The following DNAH6 variants were observed in gnomAD, a reference collection of about 807,000 sequenced individuals.
DNAH6 encodes the protein axonemal beta dynein heavy chain 6.
Under a neutral mutation model 491.4 loss-of-function variants are expected in DNAH6, and 340 were observed. The ratio of observed to expected loss-of-function variants is 0.69; its 90% CI spans 0.63 to 0.76. The LOEUF (loss-of-function observed/expected upper bound fraction) is 0.76. Ranked by LOEUF, DNAH6 falls within the 30% of genes least tolerant of loss-of-function variation. The pLI is 0.00. For synonymous variants in DNAH6, 1,603 were observed against 1,686.1 expected (o/e 0.95, Z 1.21); for missense variants, 4,443 against 4,972.2 (o/e 0.89, Z 3.20).
intron 64 of DNAH6, among the ~76,000 whole-genome samples, chr2:84,763,714 A>ATGTGTG (rs70953906): frequency 0.012 from 1,573 of 126,848 alleles, 13 homozygotes; most frequent in East Asian, 0.017. Flanking sequence ...AACTGATAGG[A>ATGTGTG]TGTGTGTGTG....
intron 60 of DNAH6, among the ~76,000 whole-genome samples, chr2:84,724,670 C>T (rs898427949): frequency 5.9e-5 from 9 of 152,184 alleles, no homozygotes; most frequent in Non-Finnish European, 1.3e-4. Context: ...GAATGAACAT[C>T]CAAAATGGCT....
In DNAH6 at chr2:84,710,488, C is replaced by T. The variant is rs185427887; in HGVS notation, c.9378+76C>T. On this transcript the variant is annotated intron_variant, in intron 56 of 76. Transcript: ENST00000389394. ...ATCTGGAATCCTATATAGGCCACAT[C>T]CCCATCATGCTAAAGACACCAGTCA... 126 of 1,411,858 alleles carry T rather than the reference C, an allele frequency of 8.9e-5. No homozygotes were observed. The African/African-American group carries it at 1.5e-3, about 17-fold the overall frequency. 87.5% of individuals were successfully genotyped at this position (1,411,858 alleles called of 1,614,324 possible).
chr2:84,739,111 A>G (rs1672273583), intron 62 of DNAH6, among the ~76,000 whole-genome samples: 1 of 152,206 alleles, frequency 6.6e-6, no homozygotes, highest in South Asian at 2.1e-4. Flanking sequence ...ATGGAAGGAT[A>G]TGAAATTCTT....
At chr2:84,612,344 A>G (rs928822992) in intron 22 of DNAH6, among the ~76,000 whole-genome samples, 1 of 152,104 alleles carries the variant, frequency 6.6e-6, no homozygotes, top group Non-Finnish European at 1.5e-5. Flanking sequence ...ATGTGTTTGA[A>G]TAAGTTCCAT....
At chr2:84,511,475 C>A (rs1675327821), upstream of DNAH6, among the ~76,000 whole-genome samples, 1 of 152,150 alleles carries the variant, frequency 6.6e-6, no homozygotes, top group Admixed American at 6.5e-5. Context: ...GTCCATCACC[C>A]CTTTCTTTGA....
chr2:84,573,438 A>C (rs1486160956), intron 11 of DNAH6, 29 bp from the exon 12 acceptor site: 8 of 1,552,640 alleles, frequency 5.2e-6, no homozygotes, highest in Non-Finnish European at 6.9e-6. Context: ...AAATATGGTC[A>C]TATTTGTCTG....
At chr2:84,497,516 C>A in the DNAH6 span, among the ~76,000 whole-genome samples, 2 of 152,102 alleles carry the variant, frequency 1.3e-5, no homozygotes, top group African/African-American at 4.8e-5. Flanking sequence ...CCTTTACTGG[C>A]AATTTACTGA....
At chr2:84,577,535 C>A in intron 13 of DNAH6, 127 bp downstream of exon 13, 1 of 669,170 alleles carries the variant, frequency 1.5e-6, no homozygotes, top group South Asian at 3.3e-5. Context: ...GACTATTGGA[C>A]ATCCTTAATT....
At chr2:84,507,561 T>C in the DNAH6 span, among the ~76,000 whole-genome samples, 1 of 152,030 alleles carries the variant, frequency 6.6e-6, no homozygotes, top group African/African-American at 2.4e-5. Context: ...CCTTTATTTC[T>C]TTCTCCTGCC....
At chr2:84,502,543 T>C in the DNAH6 span, among the ~76,000 whole-genome samples, 3 of 152,198 alleles carry the variant, frequency 2.0e-5, no homozygotes, top group African/African-American at 7.2e-5. Flanking sequence ...ATTTGCTCTA[T>C]AATGCAGATT....
chr2:84,678,871 T>C (rs1693506379), intron 41 of DNAH6, among the ~76,000 whole-genome samples: 1 of 152,202 alleles, frequency 6.6e-6, no homozygotes, highest in African/African-American at 2.4e-5. Flanking sequence ...TTGGACTGAA[T>C]TCAGGTGGGA....
At position 84,745,221 on chromosome 2, in the gene DNAH6, T is replaced by G; in HGVS notation, c.10484T>G (p.Ile3495Ser). ...SAGLSSFHKL[I>S]LIKCCKEEKV... ...GGATTGAGTTCTTTCCATAAGCTAA[T>G]TCTTATTAAATGTTGTAAAGAAGAA... Residue 3495 changes from isoleucine (I) to serine (S), a missense_variant, in exon 63 of 77, where the codon ATT becomes AGT. Around this residue, in one of 3 missense-constraint regions of DNAH6, gnomAD observed 1,463 missense variants for 1,656.6 expected, o/e 0.88. Transcript: ENST00000389394. The G allele has an allele frequency of 1.3e-6, 2 of 1,523,444 alleles. No homozygotes were observed. The highest frequency in any genetic ancestry group is 1.8e-6 in the Non-Finnish European group (2 of 1,137,396). 94.4% of individuals were successfully genotyped at this position (1,523,444 alleles called of 1,614,324 possible).
chr2:84,711,103 G>T (rs1697000999), intron 56 of DNAH6, among the ~76,000 whole-genome samples: 1 of 152,154 alleles, frequency 6.6e-6, no homozygotes. Context: ...GGGAGGGGAA[G>T]AAACTTGTTA....
Position 84,707,688 on chromosome 2 carries a change from G to T in DNAH6, c.9020G>T (p.Gly3007Val). 1 of 1,552,204 alleles carries T rather than the reference G, an allele frequency of 6.4e-7. No individual in the cohort carries two copies. Among genetic ancestry groups the T allele is most frequent in the Non-Finnish European group, 8.7e-7 (1 of 1,147,084 alleles). Residue 3007 changes from glycine (G) to valine (V), a missense_variant, in exon 54 of 77, where the codon GGG becomes GTG. Physicochemically the swap from Gly to Val is moderately radical, Grantham distance 109. Transcript: ENST00000389394. Reference sequence around the variant, plus strand: ...GCAGCAGCTTGTGTGGCCTACTATGGGGCTTTCACAGCCCAGTACAGGCAG... The same window carrying T: ...GCAGCAGCTTGTGTGGCCTACTATGTGGCTTTCACAGCCCAGTACAGGCAG... ...FIAAACVAYY[G>V]AFTAQYRQSL...
intron 64 of DNAH6, 83 bp from the exon 65 acceptor site, chr2:84,781,410 A>G: frequency 8.8e-7 from 1 of 1,137,314 alleles, no homozygotes; most frequent in Non-Finnish European, 1.2e-6. Context: ...CCTAAGCAAG[A>G]GTCTACTGTA....
chr2:84,660,107 C>T (rs1000821391), intron 37 of DNAH6, among the ~76,000 whole-genome samples: 2 of 152,034 alleles, frequency 1.3e-5, no homozygotes, highest in Non-Finnish European at 2.9e-5. Context: ...ATCTAGTATA[C>T]TTATTTTTAA....
intron 60 of DNAH6, among the ~76,000 whole-genome samples, chr2:84,723,207 G>A (rs1386527327): frequency 1.3e-5 from 2 of 152,148 alleles, no homozygotes; most frequent in South Asian, 2.1e-4. Context: ...CAGCCTGGGC[G>A]ACAGAGCGAG....
rs979427367 is a variant in DNAH6 at position 84,543,586 on chromosome 2, C to T, written c.663-647C>T. On this transcript the variant is annotated intron_variant, in intron 4 of 76. Coordinates refer to ENST00000389394, the MANE Select transcript of DNAH6 (RefSeq NM_001370.2). ...TTTATTTTAAGCAGTTTTAGAGAAT[C>T]GGCCCTATTTTCATTGCTTCATTTC... 4.6e-5 allele frequency among the ~76,000 whole-genome samples: 7 copies of T among 152,056 alleles called. No homozygotes were observed. In the East Asian group the frequency reaches 5.8e-4, roughly 13 times the overall value.
chr2:84,775,466 G>A (rs13407222), intron 64 of DNAH6, among the ~76,000 whole-genome samples: 21,070 of 152,004 alleles, frequency 0.14, 1,635 homozygotes, highest in African/African-American at 0.21. Flanking sequence ...TTGGCCTGAC[G>A]TTTTCATTTT....
Sources: gnomAD v4.1 joint callset for allele counts (sites outside exome capture counted in the v4.1 genomes callset) on GRCh38, gnomAD v4.1.1 for gene constraint, gnomAD v4.1.1 regional missense constraint, MANE v1.5 for transcripts, NCBI Gene and HGNC (gene_info 2026-07-23, HGNC 2026-07-21) for gene names.